ANKFN1: variants seen among roughly 807,000 people sequenced by gnomAD.
ANKFN1 encodes the protein ankyrin repeat and fibronectin type-III domain-containing protein 1.
Under a neutral mutation model 108.7 loss-of-function variants are expected in ANKFN1, and 74 were observed. That is an observed-to-expected ratio of 0.68 (90% confidence interval 0.56 to 0.83). ANKFN1 has a LOEUF of 0.83. ANKFN1 is among the 40% of genes least tolerant of loss of function. ANKFN1 has a pLI of 0.00. For synonymous variants in ANKFN1, 547 were observed against 516.2 expected (o/e 1.06, Z -0.81); for missense variants, 1,505 against 1,382.3 (o/e 1.09, Z -1.41).
At chr17:56,186,008 C>G (rs1362742654) in intron 1 of ANKFN1, among the ~76,000 whole-genome samples, 2 of 152,152 alleles carry the variant, frequency 1.3e-5, no homozygotes, top group Non-Finnish European at 2.9e-5. Context: ...CTCTCAAAGG[C>G]AGCTCATGTT....
intron 3 of ANKFN1, among the ~76,000 whole-genome samples, chr17:56,275,027 T>C (rs2043888592): frequency 6.6e-6 from 1 of 152,192 alleles, no homozygotes; most frequent in Admixed American, 6.5e-5. Context: ...GGAACCTGTT[T>C]AGGGCCATGC....
chr17:56,511,206 C>A lies in ANKFN1; in HGVS notation c.3378C>A (p.Pro1126=). Residue 1126 remains proline, a synonymous_variant, in exon 21 of 21, where the codon CCC becomes CCA. Coordinates refer to ENST00000682825, the MANE Select transcript of ANKFN1 (RefSeq NM_001370326.1). Reference sequence around the variant, plus strand: ...TCACCCTGCCCAGCCCCACTGGCCCCGATGTGAGTCAGGAGGGCCCCACCG... The same window carrying A: ...TCACCCTGCCCAGCCCCACTGGCCCAGATGTGAGTCAGGAGGGCCCCACCG... ...GRITLPSPTG[P]DVSQEGPTAS... is the part of the protein sequence containing the mutation. The A allele has an allele frequency of 6.5e-7, 1 of 1,535,322 alleles. No homozygotes were observed. The highest frequency in any genetic ancestry group is 1.2e-5 in the South Asian group (1 of 83,946).
chr17:56,259,189 T>C (rs963568650), intron 3 of ANKFN1, among the ~76,000 whole-genome samples: 4 of 152,174 alleles, frequency 2.6e-5, no homozygotes, highest in Admixed American at 1.3e-4. Flanking sequence ...GTGAAGCCAG[T>C]ACTCAAACAC....
At chr17:56,447,990 C>T (rs1243322684) in intron 10 of ANKFN1, among the ~76,000 whole-genome samples, 1 of 152,156 alleles carries the variant, frequency 6.6e-6, no homozygotes, top group Non-Finnish European at 1.5e-5. Flanking sequence ...TTTTATATAA[C>T]TTTAACTGTC....
rs865824384 is a variant in ANKFN1, at chr17:56,516,476, G to A, written c.*5207G>A. On this transcript the variant is annotated 3_prime_UTR_variant, in exon 21 of 21. Transcript: ENST00000682825. ...AGTGTATGTTAAAGTTTAGACTTCA[G>A]TACGCTATCTGCACAATTTTGTGTG... Among the ~76,000 whole-genome samples, 9 of 152,138 alleles carry A rather than the reference G, an allele frequency of 5.9e-5. No homozygotes were observed. Among genetic ancestry groups the A allele is most frequent in the Non-Finnish European group, 2.9e-5 (2 of 68,028 alleles).
intron 1 of ANKFN1, among the ~76,000 whole-genome samples, chr17:56,180,624 A>T (rs1028745647): frequency 1.3e-5 from 2 of 152,210 alleles, no homozygotes; most frequent in African/African-American, 4.8e-5. Flanking sequence ...TTCAATCCTT[A>T]TTAACTCTCC....
Position 56,510,355 on chromosome 17 carries a change from G to A in ANKFN1, c.2645-118G>A, listed in dbSNP as rs538960412. 2.4e-5 allele frequency: 20 copies of A among 844,992 alleles called. No individual in the cohort carries two copies. The South Asian group carries it at 3.1e-4, about 13-fold the overall frequency. The allele number at this position is 844,992 out of a possible 1,614,324, so 52.3% of individuals were successfully genotyped here. On this transcript the variant is annotated intron_variant, in intron 20 of 20. Coordinates refer to ENST00000682825, the MANE Select transcript of ANKFN1 (RefSeq NM_001370326.1). The stretch of plus-strand genomic sequence containing the variant: ...CAGCATTTCAGGAGGTGACAGCAGG[G>A]CATTAAACGAAGCACAGGCCCCTTC...
intron 4 of ANKFN1, among the ~76,000 whole-genome samples, chr17:56,077,908 G>A (rs531737481): frequency 2.0e-5 from 3 of 152,038 alleles, no homozygotes; most frequent in South Asian, 2.1e-4. Context: ...ACATCATCTC[G>A]TTTAAGTCTC....
rs1158949920 is a variant in ANKFN1 at position 56,188,603 on chromosome 17, A to G, written c.-70-23995A>G. 7.6e-3 allele frequency among the ~76,000 whole-genome samples: 1,020 copies of G among 134,670 alleles called. 44 individuals carry two copies. The highest frequency in any genetic ancestry group is 0.027 in the African/African-American group (946 of 34,838). The allele number at this position is 134,670 out of a possible 152,430, so 88.3% of individuals were successfully genotyped here. A position where few individuals can be genotyped will look rare whatever the true frequency, so the allele number is the denominator to read the frequency against. ...TGTGTATATATATATATATATATAT[A>G]TATATATATATATGAAATATCCATA... On this transcript the variant is annotated intron_variant, in intron 1 of 20. Coordinates refer to ENST00000682825, the MANE Select transcript of ANKFN1 (RefSeq NM_001370326.1).
chr17:56,217,001 T>C (rs556476659), intron 2 of ANKFN1, among the ~76,000 whole-genome samples: 34 of 152,190 alleles, frequency 2.2e-4, no homozygotes, highest in Non-Finnish European at 4.6e-4. Context: ...AGTCAAAGCT[T>C]ATAAGCTTAA....
At chr17:56,085,159 G>T (rs1185638777) in intron 4 of ANKFN1, among the ~76,000 whole-genome samples, 1 of 135,232 alleles carries the variant, frequency 7.4e-6, no homozygotes, top group Non-Finnish European at 1.6e-5. Flanking sequence ...TATTTCTCTG[G>T]TTAAATGTTG....
rs774482537 is a variant in ANKFN1 at position 56,510,827 on chromosome 17, G to C, written c.2999G>C (p.Arg1000Pro). 3 of 1,536,178 alleles carry C rather than the reference G, an allele frequency of 2.0e-6. No homozygotes were observed. The highest frequency in any genetic ancestry group is 3.9e-5 in the Admixed American group (2 of 51,008). ...GRPPLGFLGK[R>P]KPGKHPHYGG... ...CCCCCGCTAGGCTTCCTGGGAAAGC[G>C]GAAGCCAGGCAAGCACCCCCACTAT... The change falls in exon 21 of 21, where the codon CGG becomes CCG. Residue 1000 changes from arginine (R) to proline (P), a missense_variant. Arg to Pro is a moderately radical substitution (Grantham distance 103). Coordinates refer to ENST00000682825, the MANE Select transcript of ANKFN1 (RefSeq NM_001370326.1).
At chr17:56,258,867 G>C (rs942853026) in intron 3 of ANKFN1, among the ~76,000 whole-genome samples, 7 of 151,972 alleles carry the variant, frequency 4.6e-5, no homozygotes, top group African/African-American at 1.7e-4. Flanking sequence ...GCCAAGATCG[G>C]GCCACTGCAC....
At chr17:56,411,777 C>T (rs1033131671) in intron 8 of ANKFN1, among the ~76,000 whole-genome samples, 1 of 152,082 alleles carries the variant, frequency 6.6e-6, no homozygotes, top group African/African-American at 2.4e-5. Context: ...TATGTTAATA[C>T]AGTGTATCAC....
intron 3 of ANKFN1, among the ~76,000 whole-genome samples, chr17:56,291,096 T>C (rs531686483): frequency 6.6e-6 from 1 of 152,314 alleles, no homozygotes; most frequent in South Asian, 2.1e-4. Context: ...GTCAGCCCCT[T>C]CTATCCTGAC....
At chr17:56,467,791 G>GAAAGAAAGAAGA (rs11414270) in intron 15 of ANKFN1, among the ~76,000 whole-genome samples, 76 of 54,874 alleles carry the variant, frequency 1.4e-3, no homozygotes, top group South Asian at 5.8e-3. Flanking sequence ...AAGAAAGAAA[G>GAAAGAAAGAAGA]AAGAAAGAAA....
chr17:56,375,593 T>A (rs1002958409), intron 8 of ANKFN1, among the ~76,000 whole-genome samples: 22 of 152,156 alleles, frequency 1.4e-4, no homozygotes, highest in African/African-American at 5.3e-4. Flanking sequence ...GGAGTGGTGA[T>A]ACTGTGTATG....
chr17:56,063,932 T>C (rs1905019987), intron 4 of ANKFN1, among the ~76,000 whole-genome samples: 1 of 152,110 alleles, frequency 6.6e-6, no homozygotes, highest in Non-Finnish European at 1.5e-5. Context: ...GTGGGTGATT[T>C]TGTTGTTGTT....
At chr17:56,378,608 C>A (rs138982093) in intron 8 of ANKFN1, among the ~76,000 whole-genome samples, 186 of 152,202 alleles carry the variant, frequency 1.2e-3, no homozygotes, top group African/African-American at 4.4e-3. Flanking sequence ...GATACAATTC[C>A]ACAAAGCAAA....
Sources: allele counts gnomAD v4.1 joint callset (sites outside exome capture counted in the v4.1 genomes callset), GRCh38; gene constraint gnomAD v4.1.1; transcripts MANE v1.5; gene names NCBI Gene and HGNC (gene_info 2026-07-23, HGNC 2026-07-21).